PITRM1: variants seen among roughly 807,000 people sequenced by gnomAD.
PITRM1 encodes the protein pitrilysin metallopeptidase 1, also known as presequence protease, mitochondrial.
Under a neutral mutation model 129.9 loss-of-function variants are expected in PITRM1, and 100 were observed. That is an observed-to-expected ratio of 0.77 (90% CI 0.65 to 0.91). The LOEUF (loss-of-function observed/expected upper bound fraction) is 0.91. PITRM1 is among the 40% of genes least tolerant of loss of function. The pLI, the probability that PITRM1 is intolerant of heterozygous loss-of-function variation, is 0.00. For synonymous variants in PITRM1, 591 were observed against 508.8 expected, an observed-to-expected ratio of 1.16 and a Z score of -2.17; for missense variants, 1,471 against 1,318.3, an observed-to-expected ratio of 1.12 and a Z score of -1.79.
chr10:3,147,873 AAGTC>A, intron 18 of PITRM1, 110 bp downstream of exon 18: 1 of 1,186,866 alleles, frequency 8.4e-7, no homozygotes, highest in Non-Finnish European at 1.2e-6. Context: ...CTACAAGTAA[AAGTC>A]AGACTTGGAA....
Position 3,167,019 on chromosome 10 carries a change from G to C in PITRM1, c.183C>G (p.Phe61Leu). The change falls in exon 3 of 27, where the codon TTC (phenylalanine) becomes TTG (leucine). Residue 61 changes from phenylalanine (F) to leucine (L), a missense_variant. Phe to Leu is a conservative substitution (Grantham distance 22, BLOSUM62 0). Transcript: ENST00000224949. Reference protein sequence around the residue: ...VNQVTSVPELFLTAVKLTHDD... With the variant: ...VNQVTSVPELLLTAVKLTHDD... ...CATGGGTGAGCTTCACTGCAGTCAG[G>C]AACAGCTCGGGAACAGATGTCACCT... 6.2e-7 allele frequency: 1 copy of C among 1,607,828 alleles called. No individual in the cohort carries two copies. Among genetic ancestry groups the C allele is most frequent in the Non-Finnish European group, 8.5e-7 (1 of 1,176,702 alleles).
intron 23 of PITRM1, 113 bp downstream of exon 23, chr10:3,143,276 C>CAA: frequency 1.5e-6 from 1 of 681,694 alleles, no homozygotes; most frequent in Admixed American, 2.3e-5. Context: ...GTCCAACACT[C>CAA]AGAGTCAGCA....
At position 3,172,723 on chromosome 10, in the gene PITRM1, C is replaced by A; in HGVS notation, c.50G>T (p.Ser17Ile). The A allele has an allele frequency of 6.5e-7, 1 of 1,542,342 alleles. No homozygotes were observed. The highest frequency in any genetic ancestry group is 8.7e-7 in the Non-Finnish European group (1 of 1,144,162). ...TCCCGTCGCAGCGTCTCACCCGCCG[C>A]TCAGCCGCCTCAGCACACACAGGCC... Reference protein sequence around the residue: ...RQGLCVLRRLSGGHAHHRAWR... With the variant: ...RQGLCVLRRLIGGHAHHRAWR... Residue 17 changes from serine to isoleucine, a missense_variant, in exon 1 of 27, where the codon AGC (serine) becomes ATC (isoleucine). Ser to Ile is a moderately radical substitution (Grantham distance 142). Coordinates refer to ENST00000224949, the MANE Select transcript of PITRM1 (RefSeq NM_014889.4).
rs1055454754 is a variant in PITRM1, at chr10:3,145,640, G to C, written c.2413C>G (p.Arg805Gly). 1.3e-6 allele frequency: 2 copies of C among 1,550,148 alleles called. No homozygotes were observed. The highest frequency in any genetic ancestry group is 3.9e-5 in the Admixed American group (2 of 51,024). The part of the protein sequence containing the change: ...AVEDFLRSIG[R>G]SKKERRPVRP... The stretch of plus-strand genomic sequence containing the variant: ...ACAGGCCTCCGTTCCTTTTTACTCC[G>C]ACCGATGCTTCTAAGGAAGTCTTCG... The change falls in exon 21 of 27, where the codon CGG becomes GGG. Residue 805 changes from arginine to glycine, a missense_variant. Arg to Gly is a moderately radical substitution (Grantham distance 125). Transcript: ENST00000224949.
At chr10:3,171,390 A>AGAGG (rs1843343730) in intron 1 of PITRM1, among the ~76,000 whole-genome samples, 1 of 151,434 alleles carries the variant, frequency 6.6e-6, no homozygotes, top group African/African-American at 2.4e-5. Flanking sequence ...TGATAATCTA[A>AGAGG]GAGGGAGGGA....
At chr10:3,156,120 G>C (rs1488201395) in intron 13 of PITRM1, among the ~76,000 whole-genome samples, 3 of 152,104 alleles carry the variant, frequency 2.0e-5, no homozygotes, top group South Asian at 2.1e-4. Flanking sequence ...TCTATTTTTT[G>C]TCTAGCGTTC....
At chr10:3,159,068 G>A in intron 9 of PITRM1, 26 bp from the exon 10 acceptor site, 1 of 1,595,040 alleles carries the variant, frequency 6.3e-7, no homozygotes, top group Non-Finnish European at 8.5e-7. Context: ...AAGGAACGGG[G>A]AGGTAAGAAA....
At chr10:3,147,376 G>A (rs2132394556) in intron 19 of PITRM1, 126 bp from the exon 20 acceptor site, 2 of 950,720 alleles carry the variant, frequency 2.1e-6, no homozygotes, top group South Asian at 2.9e-5. Flanking sequence ...GCACGGCTTG[G>A]GCAGGGCTGG....
At chr10:3,158,800 C>T (rs2132462288) in intron 10 of PITRM1, 114 bp downstream of exon 10, 1 of 1,025,848 alleles carries the variant, frequency 9.7e-7, no homozygotes, top group South Asian at 1.6e-5. Context: ...AATCAAAAAT[C>T]CAAAAATGTT....
At chr10:3,141,731 C>A (rs539528533) in intron 23 of PITRM1, 4 of 460,306 alleles carry the variant, frequency 8.7e-6, no homozygotes, top group African/African-American at 4.0e-5. Flanking sequence ...CACAGACAGG[C>A]CTTTTCCTAA....
At chr10:3,166,065 T>C (rs1435651017) in intron 4 of PITRM1, among the ~76,000 whole-genome samples, 164 bp downstream of exon 4, 5 of 152,346 alleles carry the variant, frequency 3.3e-5, no homozygotes, top group African/African-American at 4.8e-5. Flanking sequence ...CATGTGGCTT[T>C]CCTGAAGGAT....
intron 14 of PITRM1, among the ~76,000 whole-genome samples, chr10:3,152,995 C>A (rs1468932635): frequency 6.6e-6 from 1 of 152,238 alleles, no homozygotes; most frequent in Non-Finnish European, 1.5e-5. Flanking sequence ...TCGGAAGATT[C>A]AAGCTTTTAC....
chr10:3,172,134 C>G lies in PITRM1; in HGVS notation c.56+583G>C, dbSNP rs538240058. ...GTAAGGCCAGGCCGAACTCATGCCA[C>G]GGACGCCCCGTGCCTCCCGGCCTGG... is the stretch of plus-strand genomic sequence containing the variant. On this transcript the variant is annotated intron_variant, in intron 1 of 26. Coordinates refer to ENST00000224949, the MANE Select transcript of PITRM1 (RefSeq NM_014889.4). The G allele has an allele frequency of 7.8e-4, 357 of 454,882 alleles. 4 individuals carry two copies. The highest frequency in any genetic ancestry group is 5.5e-3 in the South Asian group (353 of 64,492). The allele number at this position is 454,882 out of a possible 1,614,324, so 28.2% of individuals were successfully genotyped here.
Position 3,158,122 on chromosome 10 carries a change from TA to T in PITRM1, c.1167del (p.Phe389LeufsTer20). 1 of 1,608,312 alleles carries T rather than the reference TA, an allele frequency of 6.2e-7. No homozygotes were observed. Among genetic ancestry groups the T allele is most frequent in the Non-Finnish European group, 8.5e-7 (1 of 1,175,972 alleles). ...GYNGYTREAY[F>X]SVGLQGIAEK... ...TCCGCAATCCCTTGGAGGCCGACAC[TA>T]AAGTAGGCCTCCCTCGTGTAGCCAT... is the stretch of plus-strand genomic sequence containing the variant. On this transcript the variant is annotated frameshift_variant, in exon 11 of 27. Transcript: ENST00000224949. LOFTEE classifies it high-confidence loss of function.
Position 3,147,986 on chromosome 10 carries a change from C to G in PITRM1, c.2069+1G>C. 1 of 1,607,482 alleles carries G rather than the reference C, an allele frequency of 6.2e-7. No homozygotes were observed. On this transcript the variant is annotated splice_donor_variant, in intron 18 of 26. Coordinates refer to ENST00000224949, the MANE Select transcript of PITRM1 (RefSeq NM_014889.4). LOFTEE classifies it high-confidence loss of function. ...TGGACAACTCTTGCAAATAAAGTTA[C>G]TTGTTAAATATTTCACTCCATAGCT...
At chr10:3,143,578 G>T in intron 22 of PITRM1, 77 bp from the exon 23 acceptor site, 1 of 984,936 alleles carries the variant, frequency 1.0e-6, no homozygotes, top group Non-Finnish European at 1.6e-6. Flanking sequence ...CCCACTCAGG[G>T]GTCAGAGGCG....
In PITRM1 at chr10:3,155,605, T is replaced by A. The variant is rs1841909757; in HGVS notation, c.1607A>T (p.Gln536Leu). 6.2e-7 allele frequency: 1 copy of A among 1,613,852 alleles called. No homozygotes were observed. The highest frequency in any genetic ancestry group is 8.5e-7 in the Non-Finnish European group (1 of 1,179,896). ...AAGCCTCTGACCTTTCTCGTAGATCTGCTGCCTGTCTCCGGGGGACAGAGC... is the reference window on the plus strand; with the variant it reads ...AAGCCTCTGACCTTTCTCGTAGATCAGCTGCCTGTCTCCGGGGGACAGAGC... The part of the protein sequence containing the change: ...VEALSPGDRQ[Q>L]IYEKGLELRS... Residue 536 changes from glutamine to leucine, a missense_variant, in exon 14 of 27, where the codon CAG becomes CTG. By Grantham distance (113) the Gln-to-Leu change is moderately radical. Coordinates refer to ENST00000224949, the MANE Select transcript of PITRM1 (RefSeq NM_014889.4).
Position 3,157,338 on chromosome 10 carries a change from T to A in PITRM1, c.1347+97A>T, listed in dbSNP as rs577193427. 4.2e-6 allele frequency: 3 copies of A among 719,496 alleles called. No homozygotes were observed. In the African/African-American group the frequency reaches 5.4e-5, roughly 13 times the overall value. The allele number at this position is 719,496 out of a possible 1,614,324, so 44.6% of individuals were successfully genotyped here. ...ATAAACCCTTACCCATTTAAAGTAA[T>A]CTATTTCACATAAAAATATCAAAAA... On this transcript the variant is annotated intron_variant, in intron 12 of 26. Transcript: ENST00000224949.
At chr10:3,165,830 T>G (rs890400443) in intron 4 of PITRM1, among the ~76,000 whole-genome samples, 7 of 152,236 alleles carry the variant, frequency 4.6e-5, no homozygotes, top group African/African-American at 1.7e-4. Flanking sequence ...ATGACCTCAT[T>G]CTGTAACAGC....
Sources: allele counts gnomAD v4.1 joint callset (sites outside exome capture counted in the v4.1 genomes callset), GRCh38; gene constraint gnomAD v4.1.1; transcripts MANE v1.5; gene names NCBI Gene and HGNC (gene_info 2026-07-23, HGNC 2026-07-21).